Variants in LAMC1 observed in about 807,000 individuals in gnomAD.
The protein encoded by LAMC1 is laminin subunit gamma-1.
LAMC1 carries 38 observed loss-of-function variants against 173.6 expected under a neutral mutation model. The observed-to-expected ratio is 0.22, with a 90% CI of 0.17 to 0.29. The LOEUF (loss-of-function observed/expected upper bound fraction) is 0.29, where lower values mean the gene tolerates loss of function less well. LAMC1 is among the 10% of genes least tolerant of loss of function. The probability of loss-of-function intolerance (pLI) is 1.00; values close to 1 mark genes in which losing one functional copy is unlikely to be tolerated. For missense variants in LAMC1, 1,824 were observed against 2,051.8 expected, an observed-to-expected ratio of 0.89 and a Z score of 2.14; for synonymous variants, 746 against 749.1, an observed-to-expected ratio of 1.00 and a Z score of 0.07.
chr1:183,120,994 T>C (rs1415819484), intron 11 of LAMC1, among the ~76,000 whole-genome samples: 1 of 152,218 alleles, frequency 6.6e-6, no homozygotes, highest in Non-Finnish European at 1.5e-5. Context: ...AGACATAAAC[T>C]CTTCTTTTCC....
intron 18 of LAMC1, 97 bp from the exon 19 acceptor site, chr1:183,130,247 T>A (rs1375358385): frequency 9.0e-7 from 1 of 1,110,504 alleles, no homozygotes; most frequent in African/African-American, 1.6e-5. Context: ...AGTTGCGATG[T>A]TTAGAAGAGT....
chr1:183,088,404 G>A (rs1417416488), intron 1 of LAMC1, among the ~76,000 whole-genome samples: 1 of 152,206 alleles, frequency 6.6e-6, no homozygotes, highest in Admixed American at 6.5e-5. Flanking sequence ...AATCAATTTA[G>A]TGAGCTATAA....
chr1:183,088,335 A>C (rs1655485002), intron 1 of LAMC1, among the ~76,000 whole-genome samples: 1 of 152,232 alleles, frequency 6.6e-6, no homozygotes. Context: ...TGCCAAGCAC[A>C]GTGCCCTAGG....
chr1:183,134,565 C>A, intron 22 of LAMC1, 95 bp from the exon 23 acceptor site: 1 of 935,676 alleles, frequency 1.1e-6, no homozygotes, highest in Non-Finnish European at 1.6e-6. Context: ...TTAAAAATAT[C>A]ATTGAGTATT....
chr1:183,024,232 C>G (rs1653619161), intron 1 of LAMC1, 98 bp downstream of exon 1: 1 of 1,190,598 alleles, frequency 8.4e-7, no homozygotes, highest in African/African-American at 1.5e-5. Flanking sequence ...CGCAGACGGC[C>G]GCGTGTTTGC....
chr1:183,067,873 A>G (rs1571419333), intron 1 of LAMC1, among the ~76,000 whole-genome samples: 1 of 152,200 alleles, frequency 6.6e-6, no homozygotes, highest in Non-Finnish European at 1.5e-5. Flanking sequence ...GTATCATGAT[A>G]GCAGAAAGGA....
At chr1:183,074,125 T>C (rs1655072865) in intron 1 of LAMC1, among the ~76,000 whole-genome samples, 1 of 152,208 alleles carries the variant, frequency 6.6e-6, no homozygotes, top group Admixed American at 6.5e-5. Context: ...AAAATGAAAT[T>C]ATGCAATTAT....
intron 1 of LAMC1, among the ~76,000 whole-genome samples, chr1:183,048,627 T>C (rs998243113): frequency 6.6e-6 from 1 of 152,230 alleles, no homozygotes; most frequent in Non-Finnish European, 1.5e-5. Context: ...TAGTTAGAGC[T>C]ACACACATGT....
At chr1:183,033,421 G>A (rs1653897275) in intron 1 of LAMC1, among the ~76,000 whole-genome samples, 1 of 152,236 alleles carries the variant, frequency 6.6e-6, no homozygotes, top group Admixed American at 6.5e-5. Context: ...ATCGTTTGAT[G>A]TGGTAAAATG....
chr1:183,144,491 C>T lies in LAMC1; in HGVS notation c.*1701C>T, dbSNP rs1442287705. On this transcript the variant is annotated 3_prime_UTR_variant, in exon 28 of 28. Coordinates refer to ENST00000258341, the MANE Select transcript of LAMC1 (RefSeq NM_002293.4). Reference sequence around the variant, plus strand: ...GAATTGTGCCTTGTGTTTGCAGCATCTCCATTCTCTAAAATTAATATAATT... The same window carrying T: ...GAATTGTGCCTTGTGTTTGCAGCATTTCCATTCTCTAAAATTAATATAATT... The T allele has an allele frequency of 6.6e-6, 1 of 152,484 alleles. No individual in the cohort carries two copies. Among genetic ancestry groups the T allele is most frequent in the Non-Finnish European group, 1.5e-5 (1 of 68,038 alleles). The allele number at this position is 152,484 out of a possible 1,614,324, so 9.4% of individuals were successfully genotyped here. A position where few individuals can be genotyped will look rare whatever the true frequency, so the allele number is the denominator to read the frequency against.
chr1:183,092,751 CT>C (rs1349696471), intron 1 of LAMC1, among the ~76,000 whole-genome samples: 3 of 152,018 alleles, frequency 2.0e-5, no homozygotes, highest in Non-Finnish European at 2.9e-5. Context: ...TTTGGGAAGG[CT>C]TTTTTAGAGA....
At chr1:183,133,589 C>G (rs764109048) in intron 22 of LAMC1, 39 bp downstream of exon 22, 9 of 1,566,286 alleles carry the variant, frequency 5.7e-6, no homozygotes, top group Middle Eastern at 2.2e-4. Flanking sequence ...CACCCCGTCT[C>G]TCCCCCAAGT....
chr1:183,110,458 C>A (rs775225383), intron 3 of LAMC1, 30 bp from the exon 4 acceptor site: 5 of 1,565,780 alleles, frequency 3.2e-6, no homozygotes, highest in Non-Finnish European at 4.4e-6. Flanking sequence ...GCAGCTGTTC[C>A]ATTTTTTGGA....
At chr1:183,039,249 A>G (rs990759063) in intron 1 of LAMC1, among the ~76,000 whole-genome samples, 10 of 140,690 alleles carry the variant, frequency 7.1e-5, no homozygotes, top group African/African-American at 2.6e-4. Context: ...ACAAGGGACT[A>G]AGGATAAAGA....
At chr1:183,118,261 A>G in intron 11 of LAMC1, 115 bp downstream of exon 11, 2 of 582,428 alleles carry the variant, frequency 3.4e-6, no homozygotes, top group South Asian at 5.2e-5. Context: ...GTGTATAACA[A>G]CTCACATTAT....
intron 1 of LAMC1, among the ~76,000 whole-genome samples, chr1:183,035,440 G>T (rs1653955630): frequency 6.6e-6 from 1 of 152,196 alleles, no homozygotes; most frequent in Non-Finnish European, 1.5e-5. Context: ...TCCTGCCTTG[G>T]CCTCCCAAAG....
Position 183,143,489 on chromosome 1 carries a change from A to G in LAMC1, c.*699A>G, listed in dbSNP as rs1046204713. 6.6e-6 allele frequency: 1 copy of G among 152,556 alleles called. No homozygotes were observed. The highest frequency in any genetic ancestry group is 1.5e-5 in the Non-Finnish European group (1 of 68,022). The allele number at this position is 152,556 out of a possible 1,614,324, so 9.5% of individuals were successfully genotyped here. A position where few individuals can be genotyped will look rare whatever the true frequency, so the allele number is the denominator to read the frequency against. On this transcript the variant is annotated 3_prime_UTR_variant, in exon 28 of 28. Transcript: ENST00000258341. ...TATTAATAATTGACTAGGAAGATGA[A>G]CTTTTTTTCAGATCTTTGGGCAGCT...
chr1:183,067,018 T>C (rs12066566), intron 1 of LAMC1, among the ~76,000 whole-genome samples: 3,656 of 152,260 alleles, frequency 0.024, 149 homozygotes, highest in African/African-American at 0.083. Context: ...CCAATAAGTT[T>C]GGTTTATTGT....
At chr1:183,119,623 T>G (rs1403545387) in intron 11 of LAMC1, among the ~76,000 whole-genome samples, 3 of 152,132 alleles carry the variant, frequency 2.0e-5, no homozygotes, top group African/African-American at 7.2e-5. Context: ...TAGTCCCAGC[T>G]TCTCTGGAGG....
Sources: allele counts gnomAD v4.1 joint callset (sites outside exome capture counted in the v4.1 genomes callset), GRCh38; gene constraint gnomAD v4.1.1; transcripts MANE v1.5; gene names NCBI Gene and HGNC (gene_info 2026-07-23, HGNC 2026-07-21).